Variants in CLSTN2 observed in about 807,000 individuals in gnomAD.
CLSTN2 encodes the protein calsyntenin-2.
A neutral mutation model predicts 101.2 loss-of-function variants in CLSTN2; 48 were observed. The observed-to-expected ratio is 0.47, with a 90% CI of 0.38 to 0.60. The LOEUF (loss-of-function observed/expected upper bound fraction) is 0.60, where lower values mean the gene tolerates loss of function less well. Among genes scored for constraint, CLSTN2 ranks in the 20% least tolerant of loss-of-function variants. The pLI is 0.00. For synonymous variants in CLSTN2, 481 were observed against 463.6 expected, an observed-to-expected ratio of 1.04 and a Z score of -0.48; for missense variants, 1,160 against 1,238.2, an observed-to-expected ratio of 0.94 and a Z score of 0.95.
At chr3:140,355,407 A>G (rs2087659054) in intron 2 of CLSTN2, among the ~76,000 whole-genome samples, 1 of 152,204 alleles carries the variant, frequency 6.6e-6, no homozygotes, top group Admixed American at 6.5e-5. Context: ...TGTGAGGCTT[A>G]ATGAGAAAAT....
intron 9 of CLSTN2, among the ~76,000 whole-genome samples, chr3:140,536,129 G>A (rs1028270035): frequency 2.1e-4 from 32 of 152,090 alleles, no homozygotes; most frequent in African/African-American, 7.2e-4. Context: ...TTAAAAAAAA[G>A]TGACCTCAAA....
chr3:140,001,865 C>T (rs979400170), intron 1 of CLSTN2, among the ~76,000 whole-genome samples: 29 of 152,106 alleles, frequency 1.9e-4, no homozygotes, highest in African/African-American at 2.4e-4. Flanking sequence ...TAAGTGGGAA[C>T]GTGTGATGTT....
At chr3:140,299,801 A>G (rs554718463) in intron 2 of CLSTN2, among the ~76,000 whole-genome samples, 148 of 152,280 alleles carry the variant, frequency 9.7e-4, no homozygotes, top group African/African-American at 3.5e-3. Context: ...CACACTAGCA[A>G]GTTTCTTTCT....
intron 2 of CLSTN2, among the ~76,000 whole-genome samples, chr3:140,237,068 T>G (rs2086425147): frequency 6.6e-6 from 1 of 152,186 alleles, no homozygotes; most frequent in African/African-American, 2.4e-5. Context: ...AATTTTTTAT[T>G]GGATTCTGGA....
At chr3:140,312,470 A>T (rs2087179695) in intron 2 of CLSTN2, among the ~76,000 whole-genome samples, 1 of 152,244 alleles carries the variant, frequency 6.6e-6, no homozygotes. Flanking sequence ...CAGCTTTGAC[A>T]GCCATGGTTA....
chr3:140,008,511 G>T (rs759836395), intron 1 of CLSTN2, among the ~76,000 whole-genome samples: 9 of 152,220 alleles, frequency 5.9e-5, no homozygotes, highest in African/African-American at 1.7e-4. Flanking sequence ...GGCCTGGGAC[G>T]CTATGTGGGA....
rs939968705 is a variant in CLSTN2, at chr3:140,415,234, C to G, written c.638-5891C>G. On this transcript the variant is annotated intron_variant, in intron 4 of 16. Coordinates refer to ENST00000458420, the MANE Select transcript of CLSTN2 (RefSeq NM_022131.3). ...ACATAAGACCTGAAACTATAAAAAC[C>G]CTAGAAGAAAATACAGGGAGAAGGC... Among the ~76,000 whole-genome samples the G allele has an allele frequency of 9.2e-5, 14 of 151,580 alleles. 1 individual carries two copies. Among genetic ancestry groups the G allele is most frequent in the Admixed American group, 9.2e-4 (14 of 15,212 alleles).
At chr3:140,361,407 C>T (rs2087728550) in intron 2 of CLSTN2, among the ~76,000 whole-genome samples, 1 of 152,116 alleles carries the variant, frequency 6.6e-6, no homozygotes, top group Admixed American at 6.5e-5. Context: ...AAATCTCTCT[C>T]CATAAGATGG....
intron 8 of CLSTN2, among the ~76,000 whole-genome samples, chr3:140,511,788 AC>A (rs1373756332): frequency 6.7e-6 from 1 of 149,650 alleles, no homozygotes; most frequent in African/African-American, 2.5e-5. Context: ...CAATCTCCTG[AC>A]CTCGTGATCC....
intron 1 of CLSTN2, among the ~76,000 whole-genome samples, chr3:140,166,467 T>G (rs1279933837): frequency 6.6e-6 from 1 of 152,154 alleles, no homozygotes; most frequent in African/African-American, 2.4e-5. Flanking sequence ...CAGGGAGCAG[T>G]ATTGGAGTTT....
intron 1 of CLSTN2, among the ~76,000 whole-genome samples, chr3:140,060,415 G>A (rs913594198): frequency 3.9e-5 from 6 of 152,220 alleles, no homozygotes; most frequent in East Asian, 1.9e-4. Context: ...GCTTTAATAC[G>A]ATCCCCAAAA....
At chr3:140,502,941 G>A (rs1934611098) in intron 8 of CLSTN2, among the ~76,000 whole-genome samples, 1 of 152,172 alleles carries the variant, frequency 6.6e-6, no homozygotes, top group Non-Finnish European at 1.5e-5. Context: ...GGTCTCCGGG[G>A]CTAAAATCAA....
chr3:140,238,678 T>C (rs577776797), intron 2 of CLSTN2, among the ~76,000 whole-genome samples: 2 of 152,342 alleles, frequency 1.3e-5, no homozygotes, highest in East Asian at 3.9e-4. Context: ...TTTTTAGAAT[T>C]AGAATGACTA....
At chr3:140,463,285 G>A (rs1933607481) in intron 7 of CLSTN2, among the ~76,000 whole-genome samples, 2 of 152,226 alleles carry the variant, frequency 1.3e-5, no homozygotes. Context: ...AACAATGAAT[G>A]ATCAGTGGCT....
At chr3:140,491,471 AG>A (rs1263635070) in intron 8 of CLSTN2, among the ~76,000 whole-genome samples, 1 of 152,252 alleles carries the variant, frequency 6.6e-6, no homozygotes, top group African/African-American at 2.4e-5. Context: ...TTTAATGCAT[AG>A]GAGAAAAGGT....
chr3:139,997,137 T>A (rs529292294), intron 1 of CLSTN2, among the ~76,000 whole-genome samples: 2 of 152,296 alleles, frequency 1.3e-5, no homozygotes, highest in South Asian at 4.1e-4. Flanking sequence ...AAAAATAGTT[T>A]TCATAGGTGC....
At chr3:139,958,785 T>C (rs1935452736) in intron 1 of CLSTN2, among the ~76,000 whole-genome samples, 2 of 151,378 alleles carry the variant, frequency 1.3e-5, no homozygotes, top group African/African-American at 4.9e-5. Flanking sequence ...AGGTATACCA[T>C]ATTTCATCAA....
intron 1 of CLSTN2, among the ~76,000 whole-genome samples, chr3:140,166,154 T>C (rs1257060592): frequency 1.3e-5 from 2 of 152,196 alleles, no homozygotes; most frequent in African/African-American, 4.8e-5. Context: ...CAACTCCCTA[T>C]TAACTTTTGT....
chr3:139,984,120 A>G (rs1370718484), intron 1 of CLSTN2, among the ~76,000 whole-genome samples: 1 of 152,214 alleles, frequency 6.6e-6, no homozygotes, highest in Non-Finnish European at 1.5e-5. Flanking sequence ...AATACTCATC[A>G]TGGGACTTGA....
Sources: allele counts gnomAD v4.1 joint callset (sites outside exome capture counted in the v4.1 genomes callset), GRCh38; gene constraint gnomAD v4.1.1; transcripts MANE v1.5; gene names NCBI Gene and HGNC (gene_info 2026-07-23, HGNC 2026-07-21).